Variants in DCLK1 observed in about 807,000 individuals in gnomAD.
The protein encoded by DCLK1 is serine/threonine-protein kinase DCLK1.
A neutral mutation model predicts 86.2 loss-of-function variants in DCLK1; 16 were observed. That is an observed-to-expected ratio of 0.19 (90% CI 0.13 to 0.28). DCLK1 has a LOEUF of 0.28. DCLK1 is among the 10% of genes least tolerant of loss of function. DCLK1 has a pLI of 1.00. For missense variants in DCLK1, 590 were observed against 940.2 expected, an observed-to-expected ratio of 0.63 and a Z score of 4.87; for synonymous variants, 369 against 370.5, an observed-to-expected ratio of 1.00 and a Z score of 0.05.
intron 14 of DCLK1, among the ~76,000 whole-genome samples, chr13:35,806,142 T>C (rs1233874411): frequency 6.6e-6 from 1 of 152,136 alleles, no homozygotes; most frequent in Non-Finnish European, 1.5e-5. Flanking sequence ...AGAAGTCACA[T>C]TTAAAAAAAC....
chr13:36,080,450 T>C (rs1453794755), intron 3 of DCLK1, among the ~76,000 whole-genome samples: 1 of 152,142 alleles, frequency 6.6e-6, no homozygotes, highest in East Asian at 1.9e-4. Context: ...GTCAAGGATA[T>C]TACACATATT....
At chr13:36,027,199 A>G (rs974562147) in intron 3 of DCLK1, among the ~76,000 whole-genome samples, 1 of 152,148 alleles carries the variant, frequency 6.6e-6, no homozygotes, top group African/African-American at 2.4e-5. Context: ...GGGGTGATGG[A>G]TGGTTTTGGG....
At chr13:36,126,710 G>A (rs1261114201) in intron 1 of DCLK1, among the ~76,000 whole-genome samples, 1 of 152,188 alleles carries the variant, frequency 6.6e-6, no homozygotes, top group Non-Finnish European at 1.5e-5. Flanking sequence ...TCTGCACGCT[G>A]TCAGCAGAAG....
intron 15 of DCLK1, among the ~76,000 whole-genome samples, chr13:35,801,130 C>G (rs752732514): frequency 6.6e-6 from 1 of 152,206 alleles, no homozygotes; most frequent in East Asian, 1.9e-4. Context: ...TGACAACGTC[C>G]TTACGGTTCA....
chr13:36,077,473 G>C (rs1256205935), intron 3 of DCLK1, among the ~76,000 whole-genome samples: 1 of 152,140 alleles, frequency 6.6e-6, no homozygotes, highest in East Asian at 1.9e-4. Flanking sequence ...TAAATACCAA[G>C]TACTCTGCTA....
At chr13:36,113,279 C>T (rs1369722966) in intron 2 of DCLK1, among the ~76,000 whole-genome samples, 1 of 152,144 alleles carries the variant, frequency 6.6e-6, no homozygotes, top group Non-Finnish European at 1.5e-5. Context: ...ATAACTGAAG[C>T]AGGCCTTCAA....
chr13:35,826,562 A>G (rs375444658), intron 10 of DCLK1, among the ~76,000 whole-genome samples: 1,193 of 26,016 alleles, frequency 0.046, 249 homozygotes, highest in Non-Finnish European at 0.094. Context: ...AAAGAAAGAA[A>G]CAAGTCCTAA....
At chr13:35,873,003 C>T (rs1222230786) in intron 4 of DCLK1, among the ~76,000 whole-genome samples, 4 of 152,242 alleles carry the variant, frequency 2.6e-5, no homozygotes, top group Non-Finnish European at 5.9e-5. Flanking sequence ...TATATCACAA[C>T]TTATTCAATC....
intron 3 of DCLK1, among the ~76,000 whole-genome samples, chr13:35,998,042 T>C (rs1479124909): frequency 6.6e-6 from 1 of 152,184 alleles, no homozygotes; most frequent in Non-Finnish European, 1.5e-5. Flanking sequence ...CATGCTGAGC[T>C]CCACTCCCAC....
At chr13:35,802,805 GA>G (rs1467654048) in intron 15 of DCLK1, among the ~76,000 whole-genome samples, 1 of 152,130 alleles carries the variant, frequency 6.6e-6, no homozygotes, top group Non-Finnish European at 1.5e-5. Context: ...TATATACACT[GA>G]ATTGAACCTT....
At chr13:35,923,842 G>A (rs1875946971) in intron 4 of DCLK1, among the ~76,000 whole-genome samples, 1 of 152,132 alleles carries the variant, frequency 6.6e-6, no homozygotes, top group Non-Finnish European at 1.5e-5. Context: ...AGCCCTTGCT[G>A]TCAAGAATAG....
chr13:35,939,108 A>G (rs570319214), intron 4 of DCLK1, among the ~76,000 whole-genome samples: 1 of 152,286 alleles, frequency 6.6e-6, no homozygotes, highest in East Asian at 1.9e-4. Context: ...TGCATGAGCT[A>G]AAAGGTAGCT....
intron 2 of DCLK1, among the ~76,000 whole-genome samples, chr13:36,118,364 A>T (rs535419198): frequency 6.6e-6 from 1 of 152,256 alleles, no homozygotes; most frequent in Admixed American, 6.5e-5. Context: ...AGCAGATACA[A>T]CCAGCCAGAA....
intron 4 of DCLK1, among the ~76,000 whole-genome samples, chr13:35,910,749 AG>A (rs1367777253): frequency 6.6e-6 from 1 of 152,216 alleles, no homozygotes; most frequent in African/African-American, 2.4e-5. Context: ...TGACATCCAG[AG>A]AACAGACCAG....
chr13:36,018,026 C>G (rs117981091), intron 3 of DCLK1, among the ~76,000 whole-genome samples: 1,622 of 152,304 alleles, frequency 0.011, 12 homozygotes, highest in Non-Finnish European at 0.016. Flanking sequence ...AGTTCTTCTA[C>G]GGCCTTTATT....
intron 4 of DCLK1, among the ~76,000 whole-genome samples, chr13:35,933,552 T>G (rs1004604911): frequency 6.6e-6 from 1 of 152,222 alleles, no homozygotes; most frequent in Admixed American, 6.5e-5. Flanking sequence ...TCTTGACTTA[T>G]GTGCACCCGC....
intron 5 of DCLK1, among the ~76,000 whole-genome samples, chr13:35,858,507 C>T (rs543779260): frequency 1.1e-3 from 173 of 152,206 alleles, no homozygotes; most frequent in African/African-American, 3.9e-3. Flanking sequence ...AGGTCTTACT[C>T]AAAAAACTTT....
At chr13:36,031,796 A>C (rs546348606) in intron 3 of DCLK1, among the ~76,000 whole-genome samples, 1 of 152,298 alleles carries the variant, frequency 6.6e-6, no homozygotes, top group African/African-American at 2.4e-5. Flanking sequence ...CTGTCATGTC[A>C]GCGCAGGAGG....
At chr13:35,828,223 T>C in intron 9 of DCLK1, 27 bp downstream of exon 9, 2 of 1,585,814 alleles carry the variant, frequency 1.3e-6, no homozygotes, top group Non-Finnish European at 1.7e-6. Flanking sequence ...AACACTCTTA[T>C]CTCATAAGAA....
Sources: gnomAD v4.1 joint callset for allele counts (sites outside exome capture counted in the v4.1 genomes callset) on GRCh38, gnomAD v4.1.1 for gene constraint, MANE v1.5 for transcripts, NCBI Gene and HGNC (gene_info 2026-07-23, HGNC 2026-07-21) for gene names.